RNF38: variants seen among roughly 807,000 people sequenced by gnomAD.
The protein encoded by RNF38 is E3 ubiquitin-protein ligase RNF38.
A neutral mutation model predicts 67.2 loss-of-function variants in RNF38; 15 were observed. The ratio of observed to expected loss-of-function variants is 0.22; its 90% CI spans 0.15 to 0.34. The LOEUF is 0.34. Ranked by LOEUF, RNF38 falls within the 10% of genes least tolerant of loss-of-function variation. The pLI is 1.00. For synonymous variants in RNF38, 220 were observed against 218.8 expected, an observed-to-expected ratio of 1.01 and a Z score of -0.05; for missense variants, 524 against 639.9, an observed-to-expected ratio of 0.82 and a Z score of 1.95.
chr9:36,480,724 G>T (rs1250299346), intron 1 of RNF38, among the ~76,000 whole-genome samples: 1 of 151,256 alleles, frequency 6.6e-6, no homozygotes, highest in Non-Finnish European at 1.5e-5. Context: ...GCTAATTTTT[G>T]TATTTTTAGT....
intron 1 of RNF38, among the ~76,000 whole-genome samples, chr9:36,392,154 C>T (rs2134036258): frequency 6.6e-6 from 1 of 152,276 alleles, no homozygotes; most frequent in South Asian, 2.1e-4. Flanking sequence ...AATACCCTTA[C>T]CTTCCTTAGC....
chr9:36,441,574 C>T (rs1036243595), intron 1 of RNF38, among the ~76,000 whole-genome samples: 1 of 152,132 alleles, frequency 6.6e-6, no homozygotes, highest in African/African-American at 2.4e-5. Flanking sequence ...CCACCCAGCT[C>T]GGCCTCCCAA....
intron 10 of RNF38, among the ~76,000 whole-genome samples, 180 bp from the exon 11 acceptor site, chr9:36,342,604 TGACA>T (rs1438017797): frequency 6.6e-6 from 1 of 152,206 alleles, no homozygotes; most frequent in Non-Finnish European, 1.5e-5. Flanking sequence ...TTTGCTTTGC[TGACA>T]GATTAGCAAG....
At chr9:36,398,866 T>A (rs1837753846) in intron 1 of RNF38, among the ~76,000 whole-genome samples, 1 of 152,180 alleles carries the variant, frequency 6.6e-6, no homozygotes, top group South Asian at 2.1e-4. Context: ...TGACCAATAA[T>A]CTTTCCATAC....
At chr9:36,352,905 C>A in intron 7 of RNF38, 57 bp from the exon 8 acceptor site, 2 of 1,213,428 alleles carry the variant, frequency 1.6e-6, no homozygotes, top group South Asian at 2.6e-5. Flanking sequence ...AATAGCCTGT[C>A]AAATAAAGTA....
chr9:36,442,195 G>A (rs974124269), intron 1 of RNF38, among the ~76,000 whole-genome samples: 32 of 152,038 alleles, frequency 2.1e-4, no homozygotes, highest in African/African-American at 7.5e-4. Context: ...TGAACTCACC[G>A]TAATCTGACT....
upstream of RNF38, chr9:36,400,632 C>A (rs1254107353): frequency 1.0e-6 from 1 of 985,662 alleles, no homozygotes; most frequent in Non-Finnish European, 1.2e-6. Flanking sequence ...TGACTGCTCG[C>A]CCAGCCCGCG....
chr9:36,485,601 C>A (rs1026379548), intron 1 of RNF38, among the ~76,000 whole-genome samples: 1 of 152,070 alleles, frequency 6.6e-6, no homozygotes, highest in Non-Finnish European at 1.5e-5. Flanking sequence ...TATACATTTG[C>A]CAAATATGTG....
intron 1 of RNF38, among the ~76,000 whole-genome samples, chr9:36,463,287 T>C (rs1839779036): frequency 6.6e-6 from 1 of 152,174 alleles, no homozygotes. Context: ...ATTTGTTTCT[T>C]GCATGTAAGT....
chr9:36,431,891 C>T (rs1046633227), intron 1 of RNF38, among the ~76,000 whole-genome samples: 3 of 152,116 alleles, frequency 2.0e-5, no homozygotes, highest in Non-Finnish European at 2.9e-5. Context: ...AGACTCACTT[C>T]GTTAGCAGAA....
At chr9:36,466,513 G>C (rs1839865545) in intron 1 of RNF38, among the ~76,000 whole-genome samples, 1 of 152,100 alleles carries the variant, frequency 6.6e-6, no homozygotes, top group Non-Finnish European at 1.5e-5. Flanking sequence ...TTACACACGT[G>C]GGTTCACACT....
At chr9:36,471,919 C>A (rs1221364806) in intron 1 of RNF38, among the ~76,000 whole-genome samples, 1 of 152,132 alleles carries the variant, frequency 6.6e-6, no homozygotes, top group African/African-American at 2.4e-5. Context: ...AAAGTCAAAT[C>A]TTTTCACTTC....
chr9:36,419,714 T>C (rs1483546595), intron 2 of RNF38, among the ~76,000 whole-genome samples: 1 of 152,062 alleles, frequency 6.6e-6, no homozygotes, highest in African/African-American at 2.4e-5. Context: ...CCCAGCTACT[T>C]GGGAAGGCTG....
In RNF38 at chr9:36,356,437, G is replaced by A; in HGVS notation, c.775C>T (p.Pro259Ser). ...ATAAGGGGTGGGAATGCAGCATATG[G>A]TACTGGTAAGTGCTGAACTGAACAT... ...QACSVQHLPV[P>S]YAAFPPLISS... The change falls in exon 6 of 12, where the codon CCA becomes TCA. Residue 259 changes from proline to serine, a missense_variant. Physicochemically the swap from Pro to Ser is moderately conservative, Grantham distance 74. Around this residue, in one of 2 missense-constraint regions of RNF38, gnomAD observed 461 missense variants for 517.4 expected, o/e 0.89. Coordinates refer to ENST00000259605, the MANE Select transcript of RNF38 (RefSeq NM_022781.5). 6.2e-7 allele frequency: 1 copy of A among 1,613,150 alleles called. No homozygotes were observed. Among genetic ancestry groups the A allele is most frequent in the South Asian group, 1.1e-5 (1 of 90,902 alleles).
chr9:36,344,735 A>G, intron 10 of RNF38, 97 bp downstream of exon 10: 1 of 1,219,490 alleles, frequency 8.2e-7, no homozygotes, highest in Non-Finnish European at 1.2e-6. Flanking sequence ...TCAATTTTTT[A>G]TTTCCTCTCC....
At chr9:36,441,469 G>T (rs1839188993) in intron 1 of RNF38, among the ~76,000 whole-genome samples, 2 of 151,980 alleles carry the variant, frequency 1.3e-5, no homozygotes, top group African/African-American at 2.4e-5. Context: ...TGGGATTACA[G>T]GCACGCGCCA....
chr9:36,392,747 A>G (rs1351581225), intron 1 of RNF38, among the ~76,000 whole-genome samples: 1 of 152,176 alleles, frequency 6.6e-6, no homozygotes, highest in Non-Finnish European at 1.5e-5. Context: ...CCTGGTCAAC[A>G]TGGTGAGACA....
chr9:36,391,384 A>G (rs1213060728), intron 1 of RNF38, among the ~76,000 whole-genome samples: 1 of 152,122 alleles, frequency 6.6e-6, no homozygotes, highest in Non-Finnish European at 1.5e-5. Context: ...CTTACTCTGT[A>G]ACATTAAAAA....
At chr9:36,475,301 G>C (rs1840098209) in intron 1 of RNF38, among the ~76,000 whole-genome samples, 1 of 152,078 alleles carries the variant, frequency 6.6e-6, no homozygotes, top group African/African-American at 2.4e-5. Flanking sequence ...CTAGTACATA[G>C]TAAGCATTCA....
Sources: gnomAD v4.1 joint callset for allele counts (sites outside exome capture counted in the v4.1 genomes callset) on GRCh38, gnomAD v4.1.1 for gene constraint, gnomAD v4.1.1 regional missense constraint, MANE v1.5 for transcripts, NCBI Gene and HGNC (gene_info 2026-07-23, HGNC 2026-07-21) for gene names.